The following LAMA2 variants were observed in gnomAD, a reference collection of about 807,000 sequenced individuals.
LAMA2 encodes the protein laminin subunit alpha-2.
Under a neutral mutation model 364.8 loss-of-function variants are expected in LAMA2, and 269 were observed. That is an observed-to-expected ratio of 0.74 (90% CI 0.67 to 0.82). The LOEUF (loss-of-function observed/expected upper bound fraction) is 0.82. Among genes scored for constraint, LAMA2 ranks in the 40% least tolerant of loss-of-function variants. The probability of loss-of-function intolerance (pLI) is 0.00; values close to 1 mark genes in which losing one functional copy is unlikely to be tolerated. For synonymous variants in LAMA2, 1,379 were observed against 1,370.6 expected (o/e 1.01, Z -0.14); for missense variants, 3,807 against 3,873.2 (o/e 0.98, Z 0.45).
Position 129,379,365 on chromosome 6 carries a change from A to G in LAMA2, c.4960-3757A>G, listed in dbSNP as rs139738531. Among the ~76,000 whole-genome samples the G allele has an allele frequency of 7.4e-4, 113 of 152,056 alleles. 1 individual carries two copies. In the East Asian group the frequency reaches 0.02, roughly 27 times the overall value. ...TGTGTAACAAATCTGCACATCCTGC[A>G]CATGTATCCCTGAACTTAAAAGTTA... On this transcript the variant is annotated intron_variant, in intron 34 of 64. Transcript: ENST00000421865.
intron 22 of LAMA2, among the ~76,000 whole-genome samples, chr6:129,310,085 G>A (rs548252683): frequency 1.0e-3 from 156 of 151,586 alleles, no homozygotes; most frequent in African/African-American, 3.6e-3. Context: ...ATTTTTAGTA[G>A]AGACGGGGTT....
intron 38 of LAMA2, 63 bp downstream of exon 38, chr6:129,401,403 C>T: frequency 1.9e-6 from 2 of 1,040,606 alleles, no homozygotes; most frequent in South Asian, 2.5e-5. Context: ...GATGAGAAAG[C>T]TCAGTAATAG....
chr6:129,043,102 A>C (rs1007297387), intron 1 of LAMA2, among the ~76,000 whole-genome samples: 3 of 152,196 alleles, frequency 2.0e-5, no homozygotes, highest in Non-Finnish European at 4.4e-5. Context: ...GTGCTAATTT[A>C]CATTCCCAAC....
intron 28 of LAMA2, 60 bp from the exon 29 acceptor site, chr6:129,328,218 A>G (rs1476015491): frequency 1.4e-6 from 2 of 1,436,612 alleles, no homozygotes; most frequent in Non-Finnish European, 9.8e-7. Context: ...TGAAGAGCTC[A>G]AGCGTTGCTA....
At chr6:129,432,020 A>T (rs1244285281) in intron 41 of LAMA2, among the ~76,000 whole-genome samples, 2 of 152,228 alleles carry the variant, frequency 1.3e-5, no homozygotes, top group African/African-American at 2.4e-5. Context: ...TCCTTTTATT[A>T]TTAAAGATAT....
In LAMA2 at chr6:129,328,861, G is replaced by T. The variant is rs143618442; in HGVS notation, c.4311+449G>T. On this transcript the variant is annotated intron_variant, in intron 29 of 64. Coordinates refer to ENST00000421865, the MANE Select transcript of LAMA2 (RefSeq NM_000426.4). ...AGATTTATATAACACCATGGATGCA[G>T]TTTTATGTCTTGTCCTTTACATTTT... Among the ~76,000 whole-genome samples the T allele has an allele frequency of 6.8e-4, 104 of 152,240 alleles. 1 individual carries two copies. In the East Asian group the frequency reaches 0.016, roughly 23 times the overall value.
chr6:129,168,253 G>C (rs1461217963), intron 9 of LAMA2, among the ~76,000 whole-genome samples: 2 of 150,426 alleles, frequency 1.3e-5, no homozygotes, highest in African/African-American at 4.9e-5. Flanking sequence ...CCTATGTCCT[G>C]AATGGTACTG....
At chr6:129,322,238 G>T (rs1051985746) in intron 28 of LAMA2, among the ~76,000 whole-genome samples, 4 of 152,108 alleles carry the variant, frequency 2.6e-5, no homozygotes, top group Non-Finnish European at 4.4e-5. Context: ...TTATTAAATT[G>T]TATTTCCTAC....
chr6:129,032,968 CTACTT>C (rs1425279608), intron 1 of LAMA2, among the ~76,000 whole-genome samples: 1 of 152,096 alleles, frequency 6.6e-6, no homozygotes, highest in Non-Finnish European at 1.5e-5. Context: ...ACCACGAACT[CTACTT>C]TGGAGAGTAA....
intron 1 of LAMA2, among the ~76,000 whole-genome samples, chr6:128,909,958 A>G (rs1166366240): frequency 1.3e-5 from 2 of 152,088 alleles, no homozygotes; most frequent in African/African-American, 4.8e-5. Flanking sequence ...AATGTTGAAT[A>G]TTGGCCCCCA....
At chr6:129,054,351 C>T (rs888014899) in intron 2 of LAMA2, among the ~76,000 whole-genome samples, 2 of 152,074 alleles carry the variant, frequency 1.3e-5, no homozygotes, top group African/African-American at 4.8e-5. Context: ...AAGAAAAGGT[C>T]AGAAAGTAAA....
chr6:129,389,470 G>A (rs1414077811), intron 35 of LAMA2, among the ~76,000 whole-genome samples: 1 of 152,128 alleles, frequency 6.6e-6, no homozygotes, highest in East Asian at 1.9e-4. Flanking sequence ...AAGGGCAAGG[G>A]GGTTATCTGG....
chr6:129,250,980 T>G (rs1387723168), intron 13 of LAMA2, among the ~76,000 whole-genome samples: 1 of 151,266 alleles, frequency 6.6e-6, no homozygotes, highest in African/African-American at 2.4e-5. Flanking sequence ...CAGTATTGGA[T>G]GAAGTGGTCT....
intron 62 of LAMA2, among the ~76,000 whole-genome samples, chr6:129,510,758 AT>A (rs553129363): frequency 6.6e-6 from 1 of 152,116 alleles, no homozygotes; most frequent in African/African-American, 2.4e-5. Context: ...GCTTCAGGTG[AT>A]TTTAACACTC....
chr6:129,196,420 C>G (rs924578624), intron 12 of LAMA2, among the ~76,000 whole-genome samples: 8 of 152,114 alleles, frequency 5.3e-5, no homozygotes, highest in African/African-American at 1.4e-4. Flanking sequence ...ATGCTACATG[C>G]TTAACACAAA....
At chr6:129,039,938 G>A (rs996719418) in intron 1 of LAMA2, among the ~76,000 whole-genome samples, 4 of 152,196 alleles carry the variant, frequency 2.6e-5, no homozygotes, top group Non-Finnish European at 5.9e-5. Flanking sequence ...TGGGGTTGGG[G>A]ACCCCGGGTT....
In LAMA2 at chr6:129,272,966, T is replaced by G. The variant is rs143765681; in HGVS notation, c.2450+2215T>G. Reference sequence around the variant, plus strand: ...AAGAAGTACCTGGTGCCAAAAATTTTGGGGACCACTGGTTAATGTATGTTA... The same window carrying G: ...AAGAAGTACCTGGTGCCAAAAATTTGGGGGACCACTGGTTAATGTATGTTA... On this transcript the variant is annotated intron_variant, in intron 17 of 64. Transcript: ENST00000421865. 5.3e-5 allele frequency among the ~76,000 whole-genome samples: 8 copies of G among 152,256 alleles called. No individual in the cohort carries two copies. The East Asian group carries it at 1.5e-3, about 29-fold the overall frequency.
chr6:129,200,441 CATAT>C (rs1451357432), intron 12 of LAMA2, among the ~76,000 whole-genome samples: 8 of 148,352 alleles, frequency 5.4e-5, no homozygotes, highest in Non-Finnish European at 1.0e-4. Context: ...TACACATATA[CATAT>C]ATGTATATAT....
At chr6:129,262,647 C>T (rs1787212786) in intron 15 of LAMA2, among the ~76,000 whole-genome samples, 1 of 152,078 alleles carries the variant, frequency 6.6e-6, no homozygotes, top group African/African-American at 2.4e-5. Context: ...ATTTCTTCTA[C>T]TCTCTAAAAT....
Sources: allele counts gnomAD v4.1 joint callset (sites outside exome capture counted in the v4.1 genomes callset), GRCh38; gene constraint gnomAD v4.1.1; transcripts MANE v1.5; gene names NCBI Gene and HGNC (gene_info 2026-07-23, HGNC 2026-07-21).